CDH13: variants seen among roughly 807,000 people sequenced by gnomAD.
The protein encoded by CDH13 is cadherin-13.
In CDH13, 24 loss-of-function variants were observed where a neutral mutation model predicts 63.8. The ratio of observed to expected loss-of-function variants is 0.38; its 90% CI spans 0.27 to 0.53. The LOEUF (loss-of-function observed/expected upper bound fraction) is 0.53. Among genes scored for constraint, CDH13 ranks in the 20% least tolerant of loss-of-function variants. The probability of loss-of-function intolerance (pLI) is 0.85; values close to 1 mark genes in which losing one functional copy is unlikely to be tolerated. For synonymous variants in CDH13, 503 were observed against 355.3 expected, an observed-to-expected ratio of 1.42 and a Z score of -4.67; for missense variants, 1,049 against 903.1, an observed-to-expected ratio of 1.16 and a Z score of -2.07.
chr16:83,328,327 G>C (rs1355522957), intron 5 of CDH13, among the ~76,000 whole-genome samples: 3 of 152,126 alleles, frequency 2.0e-5, no homozygotes, highest in Admixed American at 6.5e-5. Context: ...ATAAAAATTA[G>C]CTTAGCTATC....
intron 6 of CDH13, among the ~76,000 whole-genome samples, chr16:83,351,966 T>C (rs2090960096): frequency 2.0e-5 from 3 of 152,192 alleles, no homozygotes; most frequent in African/African-American, 4.8e-5. Flanking sequence ...GTTTTGTAGA[T>C]AGTGGATGGC....
chr16:83,708,347 A>G (rs1193039880), intron 10 of CDH13, among the ~76,000 whole-genome samples: 1 of 152,218 alleles, frequency 6.6e-6, no homozygotes, highest in Non-Finnish European at 1.5e-5. Context: ...CCTCATTATA[A>G]TGGCATTAGC....
At chr16:83,456,046 C>T (rs1407263796) in intron 6 of CDH13, among the ~76,000 whole-genome samples, 1 of 152,210 alleles carries the variant, frequency 6.6e-6, no homozygotes. Flanking sequence ...AGTTCTGAGC[C>T]TTTCTCACCT....
chr16:83,239,061 A>G, intron 5 of CDH13, among the ~76,000 whole-genome samples: 1 of 152,218 alleles, frequency 6.6e-6, no homozygotes. Flanking sequence ...TAAGAAGCTA[A>G]CACTCACTGT....
intron 3 of CDH13, among the ~76,000 whole-genome samples, chr16:83,083,787 C>G (rs2033412326): frequency 6.6e-6 from 1 of 152,136 alleles, no homozygotes; most frequent in Admixed American, 6.5e-5. Context: ...GTTTAACATA[C>G]CTAATATTAA....
chr16:83,059,802 T>G (rs981464998), intron 3 of CDH13, among the ~76,000 whole-genome samples: 14 of 147,920 alleles, frequency 9.5e-5, no homozygotes, highest in African/African-American at 2.2e-4. Flanking sequence ...TGTTTTTTTT[T>G]TTTTTTTTTT....
chr16:83,325,427 T>C (rs1054879999), intron 5 of CDH13, among the ~76,000 whole-genome samples: 3 of 152,126 alleles, frequency 2.0e-5, no homozygotes, highest in African/African-American at 4.8e-5. Context: ...CTGAGTAATA[T>C]AGCATATGGG....
chr16:83,186,120 ATTTTATTTTATTTTATTTTAT>A (rs2038513847), intron 4 of CDH13, among the ~76,000 whole-genome samples: 1 of 145,200 alleles, frequency 6.9e-6, no homozygotes, highest in African/African-American at 2.6e-5. Flanking sequence ...ATTTTATTTT[ATTTTATTTTATTTTATTTTAT>A]TTTATTTTAT....
rs1917875766 is a variant in CDH13 at position 83,047,228 on chromosome 16, G to A, written c.366+15010G>A. On this transcript the variant is annotated intron_variant, in intron 3 of 13. Coordinates refer to ENST00000567109, the MANE Select transcript of CDH13 (RefSeq NM_001257.5). The surrounding 1 kb of genome is among the most constrained non-coding windows in gnomAD (Gnocchi z 4.9). ...TCCTGCCCCTCACTCTTACTCCAGA[G>A]GCCTGTGTATTTATTTATTTATTTA... 6.7e-6 allele frequency among the ~76,000 whole-genome samples: 1 copy of A among 149,712 alleles called. No individual in the cohort carries two copies.
intron 6 of CDH13, among the ~76,000 whole-genome samples, chr16:83,483,358 A>C (rs2073816219): frequency 6.6e-6 from 1 of 152,174 alleles, no homozygotes; most frequent in Non-Finnish European, 1.5e-5. Context: ...TATGCTTGGG[A>C]ATATTCCAGG....
chr16:83,194,871 C>T (rs2038830743), intron 4 of CDH13, among the ~76,000 whole-genome samples: 3 of 152,300 alleles, frequency 2.0e-5, no homozygotes, highest in East Asian at 3.9e-4. Context: ...CTTCATTATG[C>T]TTCATTCCTA....
rs74034250 is a variant in CDH13 at position 83,509,973 on chromosome 16, C to G, written c.960+23318C>G. 3.4e-3 allele frequency among the ~76,000 whole-genome samples: 518 copies of G among 152,236 alleles called. 1 individual carries two copies. The highest frequency in any genetic ancestry group is 0.012 in the African/African-American group (494 of 41,530). ...GAGGATTGGGAGCATGGTATTGTAG[C>G]CAGCGTACCTCCTTGTGTCTATCAT... On this transcript the variant is annotated intron_variant, in intron 7 of 13. Transcript: ENST00000567109.
chr16:82,910,309 A>C (rs1196882824), intron 2 of CDH13, among the ~76,000 whole-genome samples: 1 of 152,192 alleles, frequency 6.6e-6, no homozygotes, highest in South Asian at 2.1e-4. Flanking sequence ...AGCCTTGTAC[A>C]TGCTTCTCTC....
At chr16:83,027,613 C>T (rs1298025709) in intron 2 of CDH13, among the ~76,000 whole-genome samples, 1 of 152,102 alleles carries the variant, frequency 6.6e-6, no homozygotes, top group African/African-American at 2.4e-5. Context: ...CAATGAAGAT[C>T]CATAATTATA....
At chr16:83,076,895 A>G (rs966944288) in intron 3 of CDH13, among the ~76,000 whole-genome samples, 30 of 152,206 alleles carry the variant, frequency 2.0e-4, no homozygotes, top group Middle Eastern at 3.4e-3. Context: ...GCTGTTTTTG[A>G]CATTAAAAGT....
chr16:82,791,008 C>A (rs536304674), intron 1 of CDH13, among the ~76,000 whole-genome samples: 1 of 152,138 alleles, frequency 6.6e-6, no homozygotes, highest in Non-Finnish European at 1.5e-5. Context: ...GAGGCCGAGG[C>A]GGGCAGATCA....
intron 2 of CDH13, among the ~76,000 whole-genome samples, chr16:83,011,785 C>G (rs1234611759): frequency 1.3e-5 from 2 of 152,204 alleles, no homozygotes; most frequent in Non-Finnish European, 2.9e-5. Flanking sequence ...CTCTCCCAAA[C>G]TTCTACAGCC....
intron 2 of CDH13, among the ~76,000 whole-genome samples, chr16:82,981,052 C>T (rs958478019): frequency 4.6e-5 from 7 of 152,098 alleles, no homozygotes; most frequent in Admixed American, 3.9e-4. Context: ...CAGCCTCCTG[C>T]GACTGGACTG....
chr16:83,484,202 T>G (rs2073836147), intron 6 of CDH13, among the ~76,000 whole-genome samples: 1 of 152,138 alleles, frequency 6.6e-6, no homozygotes, highest in Non-Finnish European at 1.5e-5. Context: ...AAACTGGCTT[T>G]GATGATTAGA....
Sources: gnomAD v4.1 joint callset for allele counts (sites outside exome capture counted in the v4.1 genomes callset) on GRCh38, gnomAD v4.1.1 for gene constraint, Gnocchi (gnomAD v3.1) non-coding constraint, MANE v1.5 for transcripts, NCBI Gene and HGNC (gene_info 2026-07-23, HGNC 2026-07-21) for gene names.